The following SCRG1 variants were observed in gnomAD, a reference collection of about 807,000 sequenced individuals.
The protein encoded by SCRG1 is scrapie-responsive protein 1.
Under a neutral mutation model 7.7 loss-of-function variants are expected in SCRG1, and 3 were observed. That is an observed-to-expected ratio of 0.39 (90% CI 0.18 to 1.01). The LOEUF (loss-of-function observed/expected upper bound fraction) is 1.01. SCRG1 is among the 50% of genes least tolerant of loss of function. The probability of loss-of-function intolerance (pLI) is 0.36; values close to 1 mark genes in which losing one functional copy is unlikely to be tolerated. For missense variants in SCRG1, 110 were observed against 117.2 expected (o/e 0.94, Z 0.28); for synonymous variants, 46 against 41.2 (o/e 1.12, Z -0.44).
the SCRG1 span, among the ~76,000 whole-genome samples, chr4:173,512,849 C>T: frequency 6.6e-6 from 1 of 152,230 alleles, no homozygotes; most frequent in Non-Finnish European, 1.5e-5. Context: ...ATGAAGGTGT[C>T]ATCCGCTCTT....
At chr4:173,484,931 T>TAG in the SCRG1 span, among the ~76,000 whole-genome samples, 1 of 58,240 alleles carries the variant, frequency 1.7e-5, no homozygotes, top group African/African-American at 6.9e-5. Context: ...ATATTATATA[T>TAG]TATATTATAT....
chr4:173,448,150 G>T, the SCRG1 span, among the ~76,000 whole-genome samples: 1 of 152,106 alleles, frequency 6.6e-6, no homozygotes, highest in Admixed American at 6.6e-5. Context: ...TCAGGATGGG[G>T]GGTCACCTTA....
the SCRG1 span, among the ~76,000 whole-genome samples, chr4:173,497,694 G>A: frequency 5.5e-5 from 8 of 144,314 alleles, no homozygotes; most frequent in African/African-American, 1.6e-4. Context: ...TTTTTGAGAC[G>A]GAGTCTCACT....
the SCRG1 span, among the ~76,000 whole-genome samples, chr4:173,434,772 A>G: frequency 1.3e-5 from 2 of 152,252 alleles, no homozygotes; most frequent in African/African-American, 4.8e-5. Flanking sequence ...CGGAGGTTGC[A>G]GTGAGCCAAG....
At chr4:173,449,772 A>G in the SCRG1 span, among the ~76,000 whole-genome samples, 21 of 152,186 alleles carry the variant, frequency 1.4e-4, no homozygotes, top group African/African-American at 5.1e-4. Flanking sequence ...TTATTCTGCC[A>G]TTTGACATTT....
the SCRG1 span, among the ~76,000 whole-genome samples, chr4:173,496,875 G>A: frequency 7.2e-5 from 11 of 152,160 alleles, 3 homozygotes; most frequent in South Asian, 2.3e-3. Context: ...GGGAGGCTGA[G>A]GCAGGCGGAT....
At chr4:173,430,101 C>T in the SCRG1 span, among the ~76,000 whole-genome samples, 1 of 151,844 alleles carries the variant, frequency 6.6e-6, no homozygotes, top group African/African-American at 2.4e-5. Context: ...GAAATTTAGG[C>T]CTAAGACCCT....
the SCRG1 span, among the ~76,000 whole-genome samples, chr4:173,453,222 G>A: frequency 1.5e-4 from 23 of 152,314 alleles, no homozygotes; most frequent in African/African-American, 5.3e-4. Flanking sequence ...TTTCTCCAGA[G>A]ACAGACTTCG....
the SCRG1 span, among the ~76,000 whole-genome samples, chr4:173,484,094 CATATATAATATATA>C: frequency 2.3e-5 from 1 of 42,794 alleles, no homozygotes; most frequent in Non-Finnish European, 4.2e-5. Context: ...TATAATATAC[CATATATAATATATA>C]ATATATAATA....
At chr4:173,472,104 T>G in the SCRG1 span, among the ~76,000 whole-genome samples, 1 of 152,242 alleles carries the variant, frequency 6.6e-6, no homozygotes, top group East Asian at 1.9e-4. Flanking sequence ...GGCACAAATC[T>G]TTTAGCTGTT....
chr4:173,428,954 T>C, the SCRG1 span, among the ~76,000 whole-genome samples: 2 of 152,236 alleles, frequency 1.3e-5, no homozygotes, highest in African/African-American at 2.4e-5. Context: ...CCTCTAATTA[T>C]TATTACTCAA....
At chr4:173,420,589 G>T in the SCRG1 span, among the ~76,000 whole-genome samples, 3 of 151,888 alleles carry the variant, frequency 2.0e-5, no homozygotes, top group Non-Finnish European at 2.9e-5. Context: ...GATCAGTGTG[G>T]ATTACCGCAC....
the SCRG1 span, among the ~76,000 whole-genome samples, chr4:173,416,171 T>C: frequency 6.6e-6 from 1 of 152,240 alleles, no homozygotes; most frequent in Admixed American, 6.5e-5. Flanking sequence ...TTCCTAGTTA[T>C]CTGAGTGTCA....
chr4:173,494,628 C>T, the SCRG1 span, among the ~76,000 whole-genome samples: 1 of 152,188 alleles, frequency 6.6e-6, no homozygotes, highest in African/African-American at 2.4e-5. Flanking sequence ...CCCGCGCCCT[C>T]CTTTCCTCCT....
chr4:173,451,583 A>G, the SCRG1 span, among the ~76,000 whole-genome samples: 1 of 151,914 alleles, frequency 6.6e-6, no homozygotes, highest in Non-Finnish European at 1.5e-5. Flanking sequence ...AAAGAGTAGT[A>G]TTGCTACAGT....
chr4:173,494,202 G>A, the SCRG1 span, among the ~76,000 whole-genome samples: 1 of 152,232 alleles, frequency 6.6e-6, no homozygotes, highest in East Asian at 1.9e-4. Flanking sequence ...GTGCCCACCG[G>A]CCCCACAGTT....
the SCRG1 span, among the ~76,000 whole-genome samples, chr4:173,456,359 G>T: frequency 6.6e-6 from 1 of 152,170 alleles, no homozygotes; most frequent in Non-Finnish European, 1.5e-5. Context: ...TTAACATTCA[G>T]TTGTAGATAA....
chr4:173,496,301 C>G, the SCRG1 span, among the ~76,000 whole-genome samples: 1 of 151,142 alleles, frequency 6.6e-6, no homozygotes, highest in African/African-American at 2.4e-5. Flanking sequence ...CAATATTTGT[C>G]ATGCTAAGGT....
At chr4:173,407,847 C>T (rs1399455007), upstream of SCRG1, among the ~76,000 whole-genome samples, 1 of 152,158 alleles carries the variant, frequency 6.6e-6, no homozygotes, top group African/African-American at 2.4e-5. Flanking sequence ...GAAATTTGAG[C>T]AGACCTGTGG....
Sources: gnomAD v4.1 joint callset for allele counts (sites outside exome capture counted in the v4.1 genomes callset) on GRCh38, gnomAD v4.1.1 for gene constraint, MANE v1.5 for transcripts, NCBI Gene and HGNC (gene_info 2026-07-23, HGNC 2026-07-21) for gene names.